The following CNTNAP2 variants were observed in gnomAD, a reference collection of about 807,000 sequenced individuals.
The protein encoded by CNTNAP2 is contactin-associated protein-like 2.
In CNTNAP2, 98 loss-of-function variants were observed where a neutral mutation model predicts 155.2. The observed-to-expected ratio is 0.63, with a 90% CI of 0.54 to 0.75. The LOEUF (loss-of-function observed/expected upper bound fraction) is 0.75. Ranked by LOEUF, CNTNAP2 falls within the 30% of genes least tolerant of loss-of-function variation. The pLI, the probability that CNTNAP2 is intolerant of heterozygous loss-of-function variation, is 0.00. For missense variants in CNTNAP2, 1,727 were observed against 1,688.1 expected (o/e 1.02, Z -0.40); for synonymous variants, 651 against 631.2 (o/e 1.03, Z -0.47).
intron 14 of CNTNAP2, among the ~76,000 whole-genome samples, chr7:147,951,972 G>T (rs1289002902): frequency 6.6e-6 from 1 of 151,612 alleles, no homozygotes; most frequent in Non-Finnish European, 1.5e-5. Flanking sequence ...GAAAATAAAT[G>T]TTGTTATGAG....
intron 4 of CNTNAP2, among the ~76,000 whole-genome samples, chr7:147,103,691 C>CT: frequency 6.6e-6 from 1 of 150,694 alleles, no homozygotes; most frequent in African/African-American, 2.4e-5. Flanking sequence ...ATTTTGTTTC[C>CT]TTTTTTCTCT....
intron 9 of CNTNAP2, among the ~76,000 whole-genome samples, chr7:147,383,070 C>T (rs977033282): frequency 6.6e-6 from 1 of 152,110 alleles, no homozygotes; most frequent in African/African-American, 2.4e-5. Flanking sequence ...ATTGAAATTG[C>T]CAACACTATT....
At chr7:147,032,013 A>T (rs1465475275) in intron 3 of CNTNAP2, among the ~76,000 whole-genome samples, 1 of 152,212 alleles carries the variant, frequency 6.6e-6, no homozygotes, top group Non-Finnish European at 1.5e-5. Context: ...GACTGAGGGG[A>T]TTGATGAGAC....
intron 11 of CNTNAP2, among the ~76,000 whole-genome samples, chr7:147,548,107 TTGGGTA>T (rs1799778720): frequency 6.6e-6 from 1 of 152,224 alleles, no homozygotes; most frequent in Non-Finnish European, 1.5e-5. Flanking sequence ...TTATAATACT[TTGGGTA>T]TGTACCCAGT....
At chr7:147,482,043 C>T (rs1798430985) in intron 10 of CNTNAP2, among the ~76,000 whole-genome samples, 1 of 152,014 alleles carries the variant, frequency 6.6e-6, no homozygotes, top group Non-Finnish European at 1.5e-5. Context: ...TTGCATTCAT[C>T]CATTCTTTCA....
At chr7:147,869,012 G>T (rs987679434) in intron 13 of CNTNAP2, among the ~76,000 whole-genome samples, 1 of 152,206 alleles carries the variant, frequency 6.6e-6, no homozygotes, top group Non-Finnish European at 1.5e-5. Flanking sequence ...GATGAACCAG[G>T]TACTTCAGTT....
chr7:147,544,065 CAAACT>C (rs1213274152), intron 11 of CNTNAP2, among the ~76,000 whole-genome samples: 3 of 151,888 alleles, frequency 2.0e-5, no homozygotes, highest in African/African-American at 7.3e-5. Context: ...TAAGTGTTTC[CAAACT>C]GGAAGAAAAT....
At chr7:146,919,507 G>A (rs1469850871) in intron 3 of CNTNAP2, among the ~76,000 whole-genome samples, 1 of 152,160 alleles carries the variant, frequency 6.6e-6, no homozygotes, top group Non-Finnish European at 1.5e-5. Flanking sequence ...TGGTACTGGA[G>A]AGTATCTGCA....
At chr7:148,187,685 A>G (rs1039318786) in intron 18 of CNTNAP2, among the ~76,000 whole-genome samples, 1 of 152,234 alleles carries the variant, frequency 6.6e-6, no homozygotes, top group South Asian at 2.1e-4. Flanking sequence ...GTGTACAACT[A>G]TGAGCTTCCG....
rs115889828 is a variant in CNTNAP2, at chr7:146,741,652, C to A, written c.98-32619C>A. ...ATTTTCGATGGGAAAATATTATGAG[C>A]AACATGGCTGATTTAGGAATGGGCA... On this transcript the variant is annotated intron_variant, in intron 1 of 23. Coordinates refer to ENST00000361727, the MANE Select transcript of CNTNAP2 (RefSeq NM_014141.6). Among the ~76,000 whole-genome samples the A allele has an allele frequency of 6.3e-3, 960 of 152,138 alleles. 5 individuals carry two copies. The highest frequency in any genetic ancestry group is 0.022 in the South Asian group (104 of 4,820).
chr7:146,175,286 A>C (rs1425075995), intron 1 of CNTNAP2, among the ~76,000 whole-genome samples: 1 of 152,224 alleles, frequency 6.6e-6, no homozygotes. Flanking sequence ...AATGTAAAGT[A>C]GTGACAGAAG....
intron 1 of CNTNAP2, among the ~76,000 whole-genome samples, chr7:146,331,428 C>G (rs1433584958): frequency 6.6e-6 from 1 of 152,002 alleles, no homozygotes. Flanking sequence ...AGGCTCAGAT[C>G]AGAGTAAGCA....
chr7:146,365,374 T>G (rs2129101721), intron 1 of CNTNAP2, among the ~76,000 whole-genome samples: 1 of 152,302 alleles, frequency 6.6e-6, no homozygotes, highest in Non-Finnish European at 1.5e-5. Context: ...TTGGTTTCCC[T>G]TTTTCCTTTT....
intron 3 of CNTNAP2, among the ~76,000 whole-genome samples, chr7:146,878,927 T>C (rs986540200): frequency 6.6e-6 from 1 of 152,206 alleles, no homozygotes; most frequent in Non-Finnish European, 1.5e-5. Flanking sequence ...AATGGACACT[T>C]ACCTTTTGCG....
chr7:148,035,957 T>C (rs1802566597), intron 15 of CNTNAP2, among the ~76,000 whole-genome samples: 1 of 152,216 alleles, frequency 6.6e-6, no homozygotes, highest in African/African-American at 2.4e-5. Context: ...CCCTGTTGGC[T>C]TTTTGGACTT....
chr7:148,106,495 T>TAGATAGATAG (rs1396846974), intron 15 of CNTNAP2, among the ~76,000 whole-genome samples: 26 of 15,878 alleles, frequency 1.6e-3, no homozygotes, highest in Admixed American at 2.1e-3. Flanking sequence ...CACTTTGAGA[T>TAGATAGATAG]ATATATATAT....
chr7:147,411,805 T>C (rs1390953006), intron 10 of CNTNAP2, among the ~76,000 whole-genome samples: 2 of 152,178 alleles, frequency 1.3e-5, no homozygotes, highest in Non-Finnish European at 2.9e-5. Flanking sequence ...ATATGCCTGC[T>C]AAAACTTTGA....
chr7:147,057,563 G>A (rs892856726), intron 4 of CNTNAP2, among the ~76,000 whole-genome samples: 23 of 152,040 alleles, frequency 1.5e-4, no homozygotes, highest in African/African-American at 3.4e-4. Context: ...GGGCTGTCTC[G>A]TACACTGGAA....
chr7:147,537,778 A>G (rs1481398210), intron 11 of CNTNAP2, among the ~76,000 whole-genome samples: 2 of 152,208 alleles, frequency 1.3e-5, no homozygotes, highest in Admixed American at 6.5e-5. Context: ...AATCCATGTT[A>G]TAAAGGTTTG....
Sources: allele counts gnomAD v4.1 joint callset (sites outside exome capture counted in the v4.1 genomes callset), GRCh38; gene constraint gnomAD v4.1.1; transcripts MANE v1.5; gene names NCBI Gene and HGNC (gene_info 2026-07-23, HGNC 2026-07-21).